Variants in PTPRN2 observed in about 807,000 individuals in gnomAD.
The protein encoded by PTPRN2 is receptor-type tyrosine-protein phosphatase N2.
Under a neutral mutation model 118.8 loss-of-function variants are expected in PTPRN2, and 74 were observed. The ratio of observed to expected loss-of-function variants is 0.62; its 90% CI spans 0.52 to 0.76. The LOEUF (loss-of-function observed/expected upper bound fraction) is 0.76, where lower values mean the gene tolerates loss of function less well. Among genes scored for constraint, PTPRN2 ranks in the 30% least tolerant of loss-of-function variants. The probability of loss-of-function intolerance (pLI) is 0.00; values close to 1 mark genes in which losing one functional copy is unlikely to be tolerated. For missense variants in PTPRN2, 1,481 were observed against 1,394.4 expected (o/e 1.06, Z -0.99); for synonymous variants, 641 against 608.0 (o/e 1.05, Z -0.80).
At chr7:158,247,587 A>G (rs576981863) in intron 3 of PTPRN2, among the ~76,000 whole-genome samples, 1 of 152,070 alleles carries the variant, frequency 6.6e-6, no homozygotes, top group East Asian at 1.9e-4. Context: ...CAGCAAACAC[A>G]GCAAAGGGGA....
chr7:157,821,722 G>A (rs1347939514), intron 12 of PTPRN2, among the ~76,000 whole-genome samples: 1 of 152,186 alleles, frequency 6.6e-6, no homozygotes, highest in Non-Finnish European at 1.5e-5. Context: ...CAGAGGCAGT[G>A]GCTGAGGTAG....
chr7:158,332,669 ACT>A (rs1267245769), intron 2 of PTPRN2, among the ~76,000 whole-genome samples: 5 of 147,454 alleles, frequency 3.4e-5, no homozygotes, highest in Non-Finnish European at 7.4e-5. Flanking sequence ...TGCAGACATC[ACT>A]CACACCCACA....
chr7:158,065,583 G>A (rs1011565344), intron 11 of PTPRN2, among the ~76,000 whole-genome samples: 4 of 152,204 alleles, frequency 2.6e-5, no homozygotes, highest in African/African-American at 4.8e-5. Context: ...TCAGACCCGG[G>A]GGGAGGGCAG....
At chr7:158,328,546 GC>G (rs1248704020) in intron 2 of PTPRN2, among the ~76,000 whole-genome samples, 1 of 152,200 alleles carries the variant, frequency 6.6e-6, no homozygotes, top group Non-Finnish European at 1.5e-5. Context: ...CTGGGGAGGA[GC>G]CCCACGTCCG....
chr7:158,372,800 A>T (rs1199740152), intron 2 of PTPRN2, among the ~76,000 whole-genome samples: 1 of 152,236 alleles, frequency 6.6e-6, no homozygotes, highest in Non-Finnish European at 1.5e-5. Flanking sequence ...AAGTGCAGGA[A>T]AAAATATATA....
intron 12 of PTPRN2, among the ~76,000 whole-genome samples, chr7:157,884,603 T>A (rs1443291996): frequency 6.6e-6 from 1 of 152,212 alleles, no homozygotes; most frequent in East Asian, 1.9e-4. Context: ...GGACTCACAG[T>A]TCCACGTGGT....
intron 2 of PTPRN2, among the ~76,000 whole-genome samples, chr7:158,372,376 A>G (rs117626388): frequency 0.82 from 91,711 of 111,970 alleles, 38,747 homozygotes; most frequent in East Asian, 0.99. Flanking sequence ...GCTGGACCCC[A>G]GAGCTGGCCT....
intron 6 of PTPRN2, among the ~76,000 whole-genome samples, chr7:158,145,487 G>A (rs1342234858): frequency 2.0e-5 from 3 of 152,210 alleles, no homozygotes; most frequent in African/African-American, 7.2e-5. Flanking sequence ...AGAGTTTGGG[G>A]AACTGGCAGG....
chr7:157,549,322 CTTT>C (rs5888720), intron 21 of PTPRN2, among the ~76,000 whole-genome samples: 9 of 139,488 alleles, frequency 6.5e-5, no homozygotes, highest in Non-Finnish European at 7.8e-5. Flanking sequence ...TCTTTCTTTT[CTTT>C]TTTTTTTTTT....
chr7:157,781,214 C>T (rs981443134), intron 12 of PTPRN2, among the ~76,000 whole-genome samples: 3 of 152,204 alleles, frequency 2.0e-5, no homozygotes, highest in Middle Eastern at 3.2e-3. Context: ...CCCAGGTCCA[C>T]GGCTGCTTTT....
chr7:157,891,647 G>A (rs545696454), intron 12 of PTPRN2, among the ~76,000 whole-genome samples: 36 of 152,114 alleles, frequency 2.4e-4, no homozygotes, highest in Admixed American at 5.2e-4. Flanking sequence ...AGACTTTTAA[G>A]GGACTTTTGG....
intron 6 of PTPRN2, 86 bp downstream of exon 6, chr7:158,166,845 T>A: frequency 7.3e-7 from 1 of 1,370,036 alleles, no homozygotes; most frequent in Non-Finnish European, 9.5e-7. Context: ...ACCCCACGTG[T>A]GGGAAGAGCA....
At chr7:157,545,765 C>T (rs1410430083) in intron 22 of PTPRN2, among the ~76,000 whole-genome samples, 4 of 152,232 alleles carry the variant, frequency 2.6e-5, no homozygotes, top group South Asian at 2.1e-4. Flanking sequence ...TCAGGGCCTG[C>T]GGTCATCCTG....
intron 12 of PTPRN2, among the ~76,000 whole-genome samples, chr7:157,769,204 G>T: frequency 6.6e-6 from 1 of 152,070 alleles, no homozygotes; most frequent in East Asian, 1.9e-4. Flanking sequence ...CACACGCTTT[G>T]CCCGTGCCAA....
At chr7:158,120,792 A>G (rs2150392722) in intron 9 of PTPRN2, among the ~76,000 whole-genome samples, 1 of 152,300 alleles carries the variant, frequency 6.6e-6, no homozygotes, top group Admixed American at 6.5e-5. Context: ...CACTGGTGCC[A>G]GAAAAAGTGT....
At position 157,764,423 on chromosome 7, in the gene PTPRN2, G is replaced by A. The variant is rs1022397882; in HGVS notation, c.1789-81486C>T. On this transcript the variant is annotated intron_variant, in intron 12 of 22. Transcript: ENST00000389418. This position sits in a 1 kb window ranked among gnomAD's most constrained non-coding sequence, Gnocchi z 4.5. Reference sequence around the variant, plus strand: ...TGAAAAGGCAGAGATTTTGGATGCAGGCTACAACATGGATGAACCTTGAAG... The same window carrying A: ...TGAAAAGGCAGAGATTTTGGATGCAAGCTACAACATGGATGAACCTTGAAG... Among the ~76,000 whole-genome samples, 3 of 152,230 alleles carry A rather than the reference G, an allele frequency of 2.0e-5. No homozygotes were observed. The highest frequency in any genetic ancestry group is 4.4e-5 in the Non-Finnish European group (3 of 68,042).
chr7:158,115,763 G>A (rs779833823), intron 9 of PTPRN2, among the ~76,000 whole-genome samples: 2 of 152,146 alleles, frequency 1.3e-5, no homozygotes, highest in Non-Finnish European at 2.9e-5. Flanking sequence ...CTTTGTTATA[G>A]CACTGCGAGT....
At chr7:157,738,029 C>A (rs1289873749) in intron 12 of PTPRN2, among the ~76,000 whole-genome samples, 1 of 152,218 alleles carries the variant, frequency 6.6e-6, no homozygotes, top group Non-Finnish European at 1.5e-5. Context: ...CCCCAAAGGG[C>A]CTCACTGTTC....
At chr7:158,026,451 G>T (rs757046613) in intron 11 of PTPRN2, among the ~76,000 whole-genome samples, 3 of 152,208 alleles carry the variant, frequency 2.0e-5, no homozygotes, top group Non-Finnish European at 4.4e-5. Context: ...GGACAGCATG[G>T]CGTGGATTTT....
Sources: gnomAD v4.1 joint callset for allele counts (sites outside exome capture counted in the v4.1 genomes callset) on GRCh38, gnomAD v4.1.1 for gene constraint, Gnocchi (gnomAD v3.1) non-coding constraint, MANE v1.5 for transcripts, NCBI Gene and HGNC (gene_info 2026-07-23, HGNC 2026-07-21) for gene names.